Variants in CTNNA2 observed in about 807,000 individuals in gnomAD.
CTNNA2 encodes catenin alpha 2, also known as catenin alpha-2.
In CTNNA2, 42 loss-of-function variants were observed where a neutral mutation model predicts 101.0. That is an observed-to-expected ratio of 0.42 (90% CI 0.32 to 0.54). CTNNA2 has a LOEUF of 0.54. Ranked by LOEUF, CTNNA2 falls within the 20% of genes least tolerant of loss-of-function variation. The pLI, the probability that CTNNA2 is intolerant of heterozygous loss-of-function variation, is 0.14. For missense variants in CTNNA2, 871 were observed against 1,223.1 expected (o/e 0.71, Z 4.29); for synonymous variants, 450 against 456.4 (o/e 0.99, Z 0.18).
intron 7 of CTNNA2, among the ~76,000 whole-genome samples, chr2:79,979,541 G>C (rs1300224124): frequency 6.6e-6 from 1 of 152,074 alleles, no homozygotes; most frequent in Non-Finnish European, 1.5e-5. Flanking sequence ...AAAATGTTTA[G>C]CTCCCCTAGT....
chr2:79,828,859 T>C (rs1408986373), intron 3 of CTNNA2, among the ~76,000 whole-genome samples: 1 of 152,144 alleles, frequency 6.6e-6, no homozygotes, highest in Non-Finnish European at 1.5e-5. Context: ...GCCCTCCAGG[T>C]GATTCTGATG....
At chr2:79,953,867 G>T (rs1451820177) in intron 7 of CTNNA2, among the ~76,000 whole-genome samples, 2 of 152,118 alleles carry the variant, frequency 1.3e-5, no homozygotes, top group African/African-American at 2.4e-5. Flanking sequence ...TTTAGGTCAG[G>T]TAGTTAGAAT....
intron 4 of CTNNA2, among the ~76,000 whole-genome samples, chr2:79,397,345 T>C (rs1439884522): frequency 6.6e-6 from 1 of 152,122 alleles, no homozygotes; most frequent in African/African-American, 2.4e-5. Flanking sequence ...TTGGTACCCC[T>C]TAATCACCTT....
At chr2:80,512,149 C>CAAAAAAAA (rs59359924) in intron 9 of CTNNA2, among the ~76,000 whole-genome samples, 1 of 73,510 alleles carries the variant, frequency 1.4e-5, no homozygotes, top group Non-Finnish European at 2.3e-5. Flanking sequence ...CACTCTGTCT[C>CAAAAAAAA]AAAAAAAAAA....
chr2:79,227,323 T>G (rs190278455), intron 2 of CTNNA2, among the ~76,000 whole-genome samples: 1 of 152,322 alleles, frequency 6.6e-6, no homozygotes, highest in Non-Finnish European at 1.5e-5. Context: ...AATTTACATT[T>G]ATTCCATCAT....
At chr2:80,567,981 A>G (rs186691119) in intron 12 of CTNNA2, among the ~76,000 whole-genome samples, 1 of 152,298 alleles carries the variant, frequency 6.6e-6, no homozygotes, top group East Asian at 1.9e-4. Context: ...AATTTGTGCA[A>G]GAAACACACT....
intron 7 of CTNNA2, among the ~76,000 whole-genome samples, chr2:80,346,111 C>A (rs944479336): frequency 3.9e-5 from 6 of 152,082 alleles, no homozygotes; most frequent in Admixed American, 3.9e-4. Flanking sequence ...TATTTTGTTT[C>A]GGGGACTTAA....
At chr2:79,891,244 C>T (rs1684281630) in intron 6 of CTNNA2, among the ~76,000 whole-genome samples, 3 of 152,198 alleles carry the variant, frequency 2.0e-5, no homozygotes, top group South Asian at 4.1e-4. Context: ...CCTACCAAAA[C>T]TGACCAGATT....
chr2:79,330,742 T>C (rs1326996841), intron 3 of CTNNA2, among the ~76,000 whole-genome samples: 1 of 152,186 alleles, frequency 6.6e-6, no homozygotes, highest in African/African-American at 2.4e-5. Context: ...CCCCTGCACA[T>C]GTTCTCTTGC....
At chr2:80,548,629 C>T (rs1692301678) in intron 11 of CTNNA2, among the ~76,000 whole-genome samples, 1 of 152,152 alleles carries the variant, frequency 6.6e-6, no homozygotes. Context: ...GGAAAATGAA[C>T]AGGCGCTGTC....
intron 7 of CTNNA2, among the ~76,000 whole-genome samples, chr2:80,036,825 G>C (rs1055437129): frequency 9.1e-6 from 1 of 109,558 alleles, no homozygotes; most frequent in African/African-American, 3.5e-5. Context: ...GTGTGTGTTT[G>C]TGTGTGTGTG....
chr2:79,826,975 T>C (rs1361903809), intron 3 of CTNNA2, among the ~76,000 whole-genome samples: 1 of 152,202 alleles, frequency 6.6e-6, no homozygotes, highest in African/African-American at 2.4e-5. Context: ...TAAATCCACA[T>C]GGCATTTTTC....
chr2:80,250,187 G>C (rs1291298774), intron 7 of CTNNA2, among the ~76,000 whole-genome samples: 1 of 121,506 alleles, frequency 8.2e-6, no homozygotes, highest in Non-Finnish European at 1.7e-5. Context: ...TGGGGGGAGA[G>C]AGAGAGAGAG....
intron 9 of CTNNA2, among the ~76,000 whole-genome samples, chr2:80,466,651 A>T (rs994302044): frequency 1.3e-5 from 2 of 152,346 alleles, no homozygotes; most frequent in Middle Eastern, 3.4e-3. Flanking sequence ...TCACAAACAG[A>T]TGGAAAAACT....
At chr2:79,495,250 TA>T (rs2104568499) in intron 4 of CTNNA2, among the ~76,000 whole-genome samples, 1 of 152,296 alleles carries the variant, frequency 6.6e-6, no homozygotes, top group African/African-American at 2.4e-5. Context: ...ACAGAATATA[TA>T]AAAACATTTA....
chr2:79,529,864 G>T (rs1672635254), intron 1 of CTNNA2, among the ~76,000 whole-genome samples: 1 of 151,754 alleles, frequency 6.6e-6, no homozygotes, highest in Non-Finnish European at 1.5e-5. Context: ...GAAAGGAAGG[G>T]TAAGAAATGA....
At chr2:79,292,825 C>A (rs1411014002) in intron 2 of CTNNA2, among the ~76,000 whole-genome samples, 3 of 152,190 alleles carry the variant, frequency 2.0e-5, no homozygotes, top group Non-Finnish European at 2.9e-5. Context: ...CTCCTTAGTT[C>A]TTTTGGAGCA....
intron 7 of CTNNA2, among the ~76,000 whole-genome samples, chr2:79,962,781 C>T (rs1048358521): frequency 1.3e-5 from 2 of 152,086 alleles, no homozygotes; most frequent in Non-Finnish European, 2.9e-5. Context: ...ATTAATGTTA[C>T]ACAAAATTGG....
chr2:80,259,957 A>G (rs1175357406), intron 7 of CTNNA2, among the ~76,000 whole-genome samples: 2 of 152,232 alleles, frequency 1.3e-5, no homozygotes, highest in East Asian at 3.8e-4. Context: ...TGTGGCCAAT[A>G]AGAATAAGAA....
Sources: allele counts gnomAD v4.1 joint callset (sites outside exome capture counted in the v4.1 genomes callset), GRCh38; gene constraint gnomAD v4.1.1; transcripts MANE v1.5; gene names NCBI Gene and HGNC (gene_info 2026-07-23, HGNC 2026-07-21).